The following GPC1 variants were observed in gnomAD, a reference collection of about 807,000 sequenced individuals.
GPC1 encodes the protein glypican 1, also known as glypican-1.
In GPC1, 26 loss-of-function variants were observed where a neutral mutation model predicts 51.5. That is an observed-to-expected ratio of 0.50 (90% CI 0.37 to 0.70). GPC1 has a LOEUF of 0.70. Among genes scored for constraint, GPC1 ranks in the 30% least tolerant of loss-of-function variants. The probability of loss-of-function intolerance (pLI) is 0.00; values close to 1 mark genes in which losing one functional copy is unlikely to be tolerated. For synonymous variants in GPC1, 380 were observed against 348.3 expected, an observed-to-expected ratio of 1.09 and a Z score of -1.01; for missense variants, 775 against 800.5, an observed-to-expected ratio of 0.97 and a Z score of 0.38.
intron 1 of GPC1, among the ~76,000 whole-genome samples, chr2:240,447,636 G>T (rs2074059959): frequency 6.6e-6 from 1 of 152,214 alleles, no homozygotes; most frequent in Non-Finnish European, 1.5e-5. Flanking sequence ...CCTGAGAGAA[G>T]CCAAAGCCAA....
At chr2:240,439,900 G>A (rs1364964263) in intron 1 of GPC1, among the ~76,000 whole-genome samples, 3 of 152,214 alleles carry the variant, frequency 2.0e-5, no homozygotes, top group Non-Finnish European at 4.4e-5. Flanking sequence ...GAGCCCAGGG[G>A]AGCCCTGATC....
At chr2:240,456,007 GC>G (rs1279054554) in intron 1 of GPC1, 1 of 430,674 alleles carries the variant, frequency 2.3e-6, no homozygotes, top group Non-Finnish European at 4.7e-6. Flanking sequence ...CCAGGCCGGC[GC>G]CCGAGCTCTG....
At chr2:240,447,718 G>A (rs1442763105) in intron 1 of GPC1, among the ~76,000 whole-genome samples, 4 of 152,224 alleles carry the variant, frequency 2.6e-5, no homozygotes, top group Non-Finnish European at 4.4e-5. Context: ...GCCCACAGTC[G>A]CTGTGTACCC....
intron 1 of GPC1, chr2:240,452,694 G>A (rs2074111013): frequency 6.6e-6 from 1 of 151,672 alleles, no homozygotes; most frequent in Non-Finnish European, 1.5e-5. Context: ...CCTGGCCGGA[G>A]GGGCCGGGGC....
chr2:240,455,208 G>A (rs942809658), intron 1 of GPC1, among the ~76,000 whole-genome samples: 1 of 152,138 alleles, frequency 6.6e-6, no homozygotes, highest in African/African-American at 2.4e-5. Context: ...TTGAGGTGGG[G>A]GATGAATCTG....
At chr2:240,455,830 C>G (rs1185587109) in intron 1 of GPC1, among the ~76,000 whole-genome samples, 1 of 152,214 alleles carries the variant, frequency 6.6e-6, no homozygotes, top group African/African-American at 2.4e-5. Context: ...AACCTGTGGC[C>G]CCGGCCTGCG....
intron 4 of GPC1, 41 bp downstream of exon 4, chr2:240,463,553 G>C (rs1436741891): frequency 6.3e-7 from 1 of 1,584,906 alleles, no homozygotes; most frequent in Admixed American, 1.7e-5. Context: ...ACTGTCTTGG[G>C]GAGTGCACGA....
In GPC1 at chr2:240,463,508, C is replaced by T. The variant is rs2074234819; in HGVS notation, c.879C>T (p.Leu293=). 7 of 1,612,646 alleles carry T rather than the reference C, an allele frequency of 4.3e-6. No homozygotes were observed. The East Asian group carries it at 1.6e-4, about 36-fold the overall frequency. The change falls in exon 4 of 9, where the codon CTC becomes CTT. Residue 293 remains leucine (L), a synonymous_variant. Coordinates refer to ENST00000264039, the MANE Select transcript of GPC1 (RefSeq NM_002081.3). ...ACCTGGACGCCGAGTGGAGGAACCT[C>T]CTGGGTGAGCCCCCACCCGCGAGAG... ...QADLDAEWRN[L]LDSMVLITDK...
chr2:240,454,180 C>T (rs1306314138), intron 1 of GPC1, among the ~76,000 whole-genome samples: 3 of 152,152 alleles, frequency 2.0e-5, no homozygotes, highest in Non-Finnish European at 2.9e-5. Flanking sequence ...CGGTCCACCT[C>T]GCAGGTGGGG....
chr2:240,465,251 C>A, intron 7 of GPC1, 41 bp downstream of exon 7: 1 of 1,567,650 alleles, frequency 6.4e-7, no homozygotes, highest in Non-Finnish European at 8.6e-7. Flanking sequence ...CCTCCCATGC[C>A]GCCTCCATTG....
In GPC1 at chr2:240,454,937, C is replaced by T. The variant is rs545465801; in HGVS notation, c.167-4093C>T. The T allele has an allele frequency of 1.1e-3, 250 of 234,176 alleles. 1 individual carries two copies. Among genetic ancestry groups the T allele is most frequent in the Admixed American group, 3.1e-3 (49 of 15,908 alleles). The allele number at this position is 234,176 out of a possible 1,614,324, so 14.5% of individuals were successfully genotyped here. A position where few individuals can be genotyped will look rare whatever the true frequency, so the allele number is the denominator to read the frequency against. On this transcript the variant is annotated intron_variant, in intron 1 of 8. Coordinates refer to ENST00000264039, the MANE Select transcript of GPC1 (RefSeq NM_002081.3). ...GTCAGGATGGGAGTCTCGCCTAAAG[C>T]TTTGGGGTGAAGGTGCTGATGACCA...
chr2:240,441,797 C>T (rs1256618384), intron 1 of GPC1, among the ~76,000 whole-genome samples: 2 of 152,196 alleles, frequency 1.3e-5, no homozygotes, highest in African/African-American at 2.4e-5. Flanking sequence ...GCCAGGGAAG[C>T]GGGCGGTTCT....
intron 1 of GPC1, among the ~76,000 whole-genome samples, chr2:240,440,151 T>A (rs1412307336): frequency 6.6e-6 from 1 of 152,046 alleles, no homozygotes; most frequent in East Asian, 1.9e-4. Context: ...GTGTCCCCCC[T>A]CTCCCCGGAC....
intron 1 of GPC1, among the ~76,000 whole-genome samples, chr2:240,441,112 G>C (rs1312880566): frequency 6.6e-6 from 1 of 152,268 alleles, no homozygotes. Flanking sequence ...GACAGTGTGA[G>C]CCTGTGGTTA....
intron 7 of GPC1, 65 bp from the exon 8 acceptor site, chr2:240,465,408 G>A: frequency 6.6e-7 from 1 of 1,506,754 alleles, no homozygotes; most frequent in Non-Finnish European, 9.1e-7. Context: ...AGAGTGTCCT[G>A]CTCAGGTGAT....
intron 1 of GPC1, among the ~76,000 whole-genome samples, chr2:240,454,142 C>T (rs1303686645): frequency 6.6e-6 from 1 of 152,156 alleles, no homozygotes; most frequent in Non-Finnish European, 1.5e-5. Context: ...CCGTGGATGC[C>T]GTTGACGAGG....
chr2:240,461,915 T>C (rs1406689357), intron 2 of GPC1, among the ~76,000 whole-genome samples: 1 of 151,900 alleles, frequency 6.6e-6, no homozygotes, highest in Non-Finnish European at 1.5e-5. Context: ...TGCCCAGGGC[T>C]CAGCTCAGAA....
intron 1 of GPC1, among the ~76,000 whole-genome samples, chr2:240,445,897 G>A (rs1020531758): frequency 3.2e-4 from 49 of 152,270 alleles, no homozygotes; most frequent in Admixed American, 1.1e-3. Context: ...CCTGTGAAAC[G>A]GCTTCCCGGG....
chr2:240,453,129 G>A (rs1311846340), intron 1 of GPC1: 5 of 266,812 alleles, frequency 1.9e-5, no homozygotes, highest in Non-Finnish European at 2.9e-5. Context: ...CCCGCTCCTC[G>A]TCCCCACCGC....
Sources: gnomAD v4.1 joint callset for allele counts (sites outside exome capture counted in the v4.1 genomes callset) on GRCh38, gnomAD v4.1.1 for gene constraint, MANE v1.5 for transcripts, NCBI Gene and HGNC (gene_info 2026-07-23, HGNC 2026-07-21) for gene names.